Variants in KCNN2 observed in about 807,000 individuals in gnomAD.
The protein encoded by KCNN2 is potassium calcium-activated channel subfamily N member 2.
Under a neutral mutation model 55.5 loss-of-function variants are expected in KCNN2, and 24 were observed. That is an observed-to-expected ratio of 0.43 (90% confidence interval 0.31 to 0.61). KCNN2 has a LOEUF of 0.61. Among genes scored for constraint, KCNN2 ranks in the 20% least tolerant of loss-of-function variants. KCNN2 has a pLI of 0.08. For synonymous variants in KCNN2, 431 were observed against 336.1 expected (o/e 1.28, Z -3.09); for missense variants, 754 against 853.6 (o/e 0.88, Z 1.45).
chr5:114,208,707 G>C (rs10041702), intron 1 of KCNN2, among the ~76,000 whole-genome samples: 3,589 of 152,184 alleles, frequency 0.024, 56 homozygotes, highest in Admixed American at 0.045. Flanking sequence ...AATCCACTAG[G>C]GTAAGCATCT....
At chr5:114,182,095 G>T (rs1269787874) in intron 1 of KCNN2, among the ~76,000 whole-genome samples, 1 of 152,058 alleles carries the variant, frequency 6.6e-6, no homozygotes, top group Non-Finnish European at 1.5e-5. Context: ...ATTTATTTCA[G>T]GACTCTTTAC....
intron 3 of KCNN2, among the ~76,000 whole-genome samples, chr5:114,449,453 T>G (rs1760553721): frequency 6.6e-6 from 1 of 152,214 alleles, no homozygotes. Context: ...TTGCTGAATA[T>G]AGAGCACACA....
intron 1 of KCNN2, among the ~76,000 whole-genome samples, chr5:114,123,915 T>G: frequency 6.6e-6 from 1 of 152,196 alleles, no homozygotes. Context: ...CTACACCAGG[T>G]CTTGTCAGTT....
At chr5:114,337,475 T>C (rs780452651) in intron 2 of KCNN2, among the ~76,000 whole-genome samples, 27 of 152,182 alleles carry the variant, frequency 1.8e-4, no homozygotes, top group Non-Finnish European at 3.5e-4. Flanking sequence ...AAAAACTGAA[T>C]CCAACCTATT....
rs1188471594 is a variant in KCNN2 at position 114,241,734 on chromosome 5, A to G, written c.-185+20169A>G. Among the ~76,000 whole-genome samples the G allele has an allele frequency of 6.4e-4, 19 of 29,908 alleles. 1 individual carries two copies. The highest frequency in any genetic ancestry group is 7.9e-4 in the Admixed American group (2 of 2,530). 19.6% of individuals were successfully genotyped at this position (29,908 alleles called of 152,430 possible). A position where few individuals can be genotyped will look rare whatever the true frequency, so the allele number is the denominator to read the frequency against. ...TATATATATATACGTATATATATAC[A>G]TATATACGTATATATATGTATATAT... On this transcript the variant is annotated intron_variant, in intron 2 of 10. Transcript: ENST00000512097.
intron 2 of KCNN2, among the ~76,000 whole-genome samples, chr5:114,371,904 C>A (rs558561661): frequency 1.3e-5 from 2 of 152,212 alleles, no homozygotes; most frequent in East Asian, 3.9e-4. Context: ...ATTATGCCGA[C>A]TCTTATTAGT....
intron 2 of KCNN2, among the ~76,000 whole-genome samples, chr5:114,225,814 T>C (rs1754228295): frequency 6.6e-6 from 1 of 152,226 alleles, no homozygotes; most frequent in Non-Finnish European, 1.5e-5. Flanking sequence ...AGCATTTAAG[T>C]ATGAATATAG....
At chr5:114,119,495 T>G (rs1751784302) in intron 1 of KCNN2, among the ~76,000 whole-genome samples, 1 of 152,194 alleles carries the variant, frequency 6.6e-6, no homozygotes, top group Admixed American at 6.5e-5. Context: ...GCCAGTGTTA[T>G]TTTTAACCAC....
chr5:114,122,800 G>A (rs543818218), intron 1 of KCNN2, among the ~76,000 whole-genome samples: 6 of 152,224 alleles, frequency 3.9e-5, no homozygotes, highest in Non-Finnish European at 5.9e-5. Context: ...ACCTGGAAGA[G>A]AAGGCTGCTT....
intron 2 of KCNN2, among the ~76,000 whole-genome samples, chr5:114,348,190 G>A (rs187417892): frequency 6.7e-6 from 1 of 148,974 alleles, no homozygotes; most frequent in African/African-American, 2.5e-5. Flanking sequence ...TCATGATGCT[G>A]TATGTATATG....
chr5:114,232,925 G>GTTTCTTT (rs1754391355), intron 2 of KCNN2, among the ~76,000 whole-genome samples: 1 of 76,276 alleles, frequency 1.3e-5, no homozygotes, highest in African/African-American at 4.6e-5. Context: ...ATTGTTTCTT[G>GTTTCTTT]TTTTTTTTTT....
At chr5:114,149,717 G>C (rs1752475779) in intron 1 of KCNN2, among the ~76,000 whole-genome samples, 1 of 152,190 alleles carries the variant, frequency 6.6e-6, no homozygotes, top group Non-Finnish European at 1.5e-5. Context: ...CCTTAAAACA[G>C]AAACACAGTC....
chr5:114,402,403 G>T (rs537275008), intron 2 of KCNN2, among the ~76,000 whole-genome samples: 3 of 152,308 alleles, frequency 2.0e-5, no homozygotes, highest in South Asian at 4.1e-4. Flanking sequence ...GCCAGCCCTG[G>T]TTCTCTTTGT....
intron 1 of KCNN2, among the ~76,000 whole-genome samples, chr5:114,067,177 T>C (rs1750469292): frequency 6.6e-6 from 1 of 152,104 alleles, no homozygotes; most frequent in Non-Finnish European, 1.5e-5. Flanking sequence ...GACCAGATAA[T>C]TGGGAATTTT....
At chr5:114,283,753 G>A (rs3101064) in intron 2 of KCNN2, among the ~76,000 whole-genome samples, 150,740 of 152,302 alleles carry the variant, frequency 0.99, 74,616 homozygotes, top group East Asian at 1. Flanking sequence ...CCAGGTACCT[G>A]GGAGTGAAAG....
intron 1 of KCNN2, among the ~76,000 whole-genome samples, chr5:114,148,161 TCA>T (rs1226170655): frequency 6.6e-6 from 1 of 152,178 alleles, no homozygotes; most frequent in South Asian, 2.1e-4. Flanking sequence ...AGCAAATTTT[TCA>T]CAGTCTGACT....
intron 1 of KCNN2, among the ~76,000 whole-genome samples, chr5:114,210,827 A>T (rs1014550324): frequency 6.6e-6 from 1 of 152,144 alleles, no homozygotes; most frequent in African/African-American, 2.4e-5. Context: ...ACTATTTCTT[A>T]TCTAGAAACG....
chr5:114,491,312 A>G (rs560866264), intron 6 of KCNN2, among the ~76,000 whole-genome samples: 1 of 152,264 alleles, frequency 6.6e-6, no homozygotes, highest in Admixed American at 6.5e-5. Flanking sequence ...CACTAATACT[A>G]TAACTTACTT....
At chr5:114,212,815 A>G (rs1354307059) in intron 1 of KCNN2, among the ~76,000 whole-genome samples, 1 of 152,102 alleles carries the variant, frequency 6.6e-6, no homozygotes, top group Non-Finnish European at 1.5e-5. Flanking sequence ...AGTCCAGATT[A>G]TAGGTCTTGT....
Sources: gnomAD v4.1 joint callset for allele counts (sites outside exome capture counted in the v4.1 genomes callset) on GRCh38, gnomAD v4.1.1 for gene constraint, MANE v1.5 for transcripts, NCBI Gene and HGNC (gene_info 2026-07-23, HGNC 2026-07-21) for gene names.